OR6C1: variants seen among roughly 807,000 people sequenced by gnomAD.
The protein encoded by OR6C1 is olfactory receptor family 6 subfamily C member 1.
For missense variants in OR6C1, 386 were observed against 366.1 expected (o/e 1.05, Z -0.44); for synonymous variants, 157 against 133.3 (o/e 1.18, Z -1.22).
chr12:55,319,490 T>C (rs551876202), intron 1 of OR6C1, among the ~76,000 whole-genome samples: 6 of 152,292 alleles, frequency 3.9e-5, no homozygotes, highest in Non-Finnish European at 8.8e-5. Context: ...AGAATCTGCA[T>C]AAAAAAGAGA....
intron 1 of OR6C1, among the ~76,000 whole-genome samples, chr12:55,320,102 G>A (rs1278695044): frequency 6.6e-6 from 1 of 151,924 alleles, no homozygotes; most frequent in Non-Finnish European, 1.5e-5. Flanking sequence ...GATTGCACCA[G>A]TGCACTCCAG....
Position 55,320,736 on chromosome 12 carries a change from T to C in OR6C1, c.137T>C (p.Ile46Thr), listed in dbSNP as rs543047011. ...SITGNLTLIT[I>T]TLLDSHLQTP... ...ACTGGGAACCTGACCCTTATCACAA[T>C]TACCCTGCTGGATTCCCACCTGCAG... The change falls in exon 2 of 2, where the codon ATT becomes ACT. Residue 46 changes from isoleucine (I) to threonine (T), a missense_variant. Coordinates refer to ENST00000642104, the MANE Select transcript of OR6C1 (RefSeq NM_001005182.2). 41 of 1,614,072 alleles carry C rather than the reference T, an allele frequency of 2.5e-5. 1 individual carries two copies. In the South Asian group the frequency reaches 4.4e-4, roughly 17 times the overall value.
At position 55,322,058 on chromosome 12, in the gene OR6C1, A is replaced by G. The variant is rs187806545; in HGVS notation, c.*520A>G. ...TTAATTAGGTATGTTGGTGAAATTA[A>G]TCTATTAATAAAGGAGCCTAGACCA... is the stretch of plus-strand genomic sequence containing the variant. On this transcript the variant is annotated 3_prime_UTR_variant, in exon 2 of 2. Transcript: ENST00000642104. 1 of 152,364 alleles carries G rather than the reference A, an allele frequency of 6.6e-6. No individual in the cohort carries two copies. Among genetic ancestry groups the G allele is most frequent in the Non-Finnish European group, 1.5e-5 (1 of 68,082 alleles). The allele number at this position is 152,364 out of a possible 1,614,324, so 9.4% of individuals were successfully genotyped here. A position where few individuals can be genotyped will look rare whatever the true frequency, so the allele number is the denominator to read the frequency against.
chr12:55,314,974 G>T (rs1178922941), intron 1 of OR6C1, among the ~76,000 whole-genome samples: 1 of 151,378 alleles, frequency 6.6e-6, no homozygotes, highest in Non-Finnish European at 1.5e-5. Flanking sequence ...ATGTTATAAA[G>T]TCTAAATGAG....
At chr12:55,317,368 G>C (rs1328514364) in intron 1 of OR6C1, among the ~76,000 whole-genome samples, 1 of 151,918 alleles carries the variant, frequency 6.6e-6, no homozygotes, top group African/African-American at 2.4e-5. Flanking sequence ...GTTTCATGAA[G>C]TTTTCTTTAA....
At chr12:55,316,984 G>C (rs1465976921) in intron 1 of OR6C1, among the ~76,000 whole-genome samples, 2 of 151,702 alleles carry the variant, frequency 1.3e-5, no homozygotes, top group Non-Finnish European at 1.5e-5. Context: ...TATTATTACT[G>C]AGTAAAGTGT....
chr12:55,318,469 T>A (rs7135973), intron 1 of OR6C1, among the ~76,000 whole-genome samples: 5,858 of 151,818 alleles, frequency 0.039, 389 homozygotes, highest in African/African-American at 0.13. Context: ...TTTATTTAAG[T>A]CATAAACTTT....
intron 1 of OR6C1, among the ~76,000 whole-genome samples, chr12:55,319,769 T>C (rs115982075): frequency 2.1e-3 from 317 of 152,300 alleles, no homozygotes; most frequent in African/African-American, 7.2e-3. Flanking sequence ...TGACCCTGTG[T>C]TGGTTGGGTA....
Position 55,320,575 on chromosome 12 carries a change from G to A in OR6C1, c.-25G>A, listed in dbSNP as rs746268765. ...TGTACTTTCTCTTGTAGGTCTGGCAGGGGAAAAAAGAAAGCAACTGAAGAA... is the reference window on the plus strand; with the variant it reads ...TGTACTTTCTCTTGTAGGTCTGGCAAGGGAAAAAAGAAAGCAACTGAAGAA... On this transcript the variant is annotated 5_prime_UTR_variant, in exon 2 of 2. Transcript: ENST00000642104. 8.6e-5 allele frequency: 117 copies of A among 1,364,952 alleles called. 2 individuals carry two copies. The South Asian group carries it at 1.4e-3, about 16-fold the overall frequency. The allele number at this position is 1,364,952 out of a possible 1,614,324, so 84.6% of individuals were successfully genotyped here. A position where few individuals can be genotyped will look rare whatever the true frequency, so the allele number is the denominator to read the frequency against.
chr12:55,319,208 C>T (rs1868473708), intron 1 of OR6C1, among the ~76,000 whole-genome samples: 2 of 152,078 alleles, frequency 1.3e-5, no homozygotes, highest in African/African-American at 4.8e-5. Context: ...TTCCAGCTTA[C>T]ATTATTCTAT....
chr12:55,319,252 GT>G (rs1475154274), intron 1 of OR6C1, among the ~76,000 whole-genome samples: 1 of 152,138 alleles, frequency 6.6e-6, no homozygotes, highest in African/African-American at 2.4e-5. Flanking sequence ...AACATCTGAA[GT>G]TGTTCATGGT....
chr12:55,321,510 G>A lies in OR6C1; in HGVS notation c.911G>A (p.Arg304Lys), dbSNP rs1463354926. ...AAGCAAGCTTTCATTAACATGGCAA[G>A]GAAGACTGTATTTTTCACAAGCACA... ...QVKQAFINMA[R>K]KTVFFTST Residue 304 changes from arginine (R) to lysine (K), a missense_variant, in exon 2 of 2, where the codon AGG becomes AAG. By Grantham distance (26) the Arg-to-Lys change is conservative (BLOSUM62 2). Transcript: ENST00000642104. 1 of 1,612,294 alleles carries A rather than the reference G, an allele frequency of 6.2e-7. No individual in the cohort carries two copies. Among genetic ancestry groups the A allele is most frequent in the African/African-American group, 1.3e-5 (1 of 74,956 alleles).
chr12:55,320,473 A>G, intron 1 of OR6C1, 94 bp from the exon 2 acceptor site: 1 of 612,494 alleles, frequency 1.6e-6, no homozygotes, highest in Non-Finnish European at 2.9e-6. Context: ...TTGAAGTAGA[A>G]ATGGCATACT....
At chr12:55,315,069 C>T (rs1868387356) in intron 1 of OR6C1, among the ~76,000 whole-genome samples, 1 of 151,408 alleles carries the variant, frequency 6.6e-6, no homozygotes, top group Admixed American at 6.6e-5. Context: ...AATTAATTTC[C>T]AATAAAGGAA....
Position 55,321,410 on chromosome 12 carries a change from G to T in OR6C1, c.811G>T (p.Gly271Ter). 6.2e-7 allele frequency: 1 copy of T among 1,613,784 alleles called. No homozygotes were observed. Among genetic ancestry groups the T allele is most frequent in the African/African-American group, 1.3e-5 (1 of 74,988 alleles). ...SAKDRVSLSK[G>*]VAILNTSVAP... is the part of the protein sequence containing the mutation. ...AAAAGATAGAGTGTCCTTGAGCAAGGGAGTGGCAATACTAAACACCTCAGT... is the reference window on the plus strand; with the variant it reads ...AAAAGATAGAGTGTCCTTGAGCAAGTGAGTGGCAATACTAAACACCTCAGT... Residue 271 changes from glycine to a stop codon, truncating the protein, a stop_gained, in exon 2 of 2, where the codon GGA becomes TGA. Transcript: ENST00000642104. LOFTEE classifies it low-confidence loss of function (END_TRUNC).
At chr12:55,316,130 C>T (rs1868406270) in intron 1 of OR6C1, among the ~76,000 whole-genome samples, 1 of 107,824 alleles carries the variant, frequency 9.3e-6, no homozygotes, top group South Asian at 2.6e-4. Flanking sequence ...CACACACACA[C>T]CCCCCGAGAG....
intron 1 of OR6C1, among the ~76,000 whole-genome samples, chr12:55,317,626 A>C (rs367556285): frequency 6.6e-6 from 1 of 151,932 alleles, no homozygotes; most frequent in Non-Finnish European, 1.5e-5. Context: ...TAATTAATTA[A>C]CTAGATGAGT....
In OR6C1 at chr12:55,321,566, A is replaced by G; in HGVS notation, c.*28A>G. Reference sequence around the variant, plus strand: ...TGGTATGGTGTGATGAATTAGAGGCACAGGAAAGGACAATATGAATTTTCA... The same window carrying G: ...TGGTATGGTGTGATGAATTAGAGGCGCAGGAAAGGACAATATGAATTTTCA... On this transcript the variant is annotated 3_prime_UTR_variant, in exon 2 of 2. Transcript: ENST00000642104. 6.9e-7 allele frequency: 1 copy of G among 1,456,362 alleles called. No homozygotes were observed. Among genetic ancestry groups the G allele is most frequent in the Non-Finnish European group, 9.4e-7 (1 of 1,067,310 alleles). 90.2% of individuals were successfully genotyped at this position (1,456,362 alleles called of 1,614,324 possible). A position where few individuals can be genotyped will look rare whatever the true frequency, so the allele number is the denominator to read the frequency against.
At chr12:55,319,334 T>G (rs1213458471) in intron 1 of OR6C1, among the ~76,000 whole-genome samples, 2 of 152,166 alleles carry the variant, frequency 1.3e-5, no homozygotes, top group Non-Finnish European at 2.9e-5. Flanking sequence ...TTCACAAAAG[T>G]TGATCGATGG....
Sources: gnomAD v4.1 joint callset for allele counts (sites outside exome capture counted in the v4.1 genomes callset) on GRCh38, gnomAD v4.1.1 for gene constraint, MANE v1.5 for transcripts, NCBI Gene and HGNC (gene_info 2026-07-23, HGNC 2026-07-21) for gene names.